The following HHAT variants were observed in gnomAD, a reference collection of about 807,000 sequenced individuals.
The protein encoded by HHAT is hedgehog acyltransferase, also known as protein-cysteine N-palmitoyltransferase HHAT.
In HHAT, 47 loss-of-function variants were observed where a neutral mutation model predicts 70.8. That is an observed-to-expected ratio of 0.66 (90% CI 0.53 to 0.85). The LOEUF is 0.85. Among genes scored for constraint, HHAT ranks in the 40% least tolerant of loss-of-function variants. The pLI, the probability that HHAT is intolerant of heterozygous loss-of-function variation, is 0.00. For synonymous variants in HHAT, 228 were observed against 247.6 expected (o/e 0.92, Z 0.74); for missense variants, 609 against 604.8 (o/e 1.01, Z -0.07).
chr1:210,425,683 C>T (rs2093042269), intron 7 of HHAT, among the ~76,000 whole-genome samples: 1 of 151,924 alleles, frequency 6.6e-6, no homozygotes, highest in African/African-American at 2.4e-5. Flanking sequence ...GTTCTCTATT[C>T]TGTTTTGTCA....
At chr1:210,380,488 C>T (rs566290594) in intron 3 of HHAT, among the ~76,000 whole-genome samples, 31 of 151,956 alleles carry the variant, frequency 2.0e-4, no homozygotes, top group African/African-American at 6.3e-4. Flanking sequence ...TGCAGTGAGC[C>T]GAGATCATGC....
chr1:210,523,472 C>A (rs538036698), intron 9 of HHAT, among the ~76,000 whole-genome samples: 104 of 152,304 alleles, frequency 6.8e-4, no homozygotes, highest in Middle Eastern at 3.4e-3. Flanking sequence ...TGCTTTAGAT[C>A]CCCAAGCTCT....
At chr1:210,374,172 G>A (rs930039701) in intron 3 of HHAT, 5 of 152,260 alleles carry the variant, frequency 3.3e-5, no homozygotes, top group African/African-American at 7.2e-5. Context: ...CCAGGGCAAG[G>A]CTTACAAAAA....
At chr1:210,627,417 C>T (rs1670026236) in intron 11 of HHAT, among the ~76,000 whole-genome samples, 1 of 152,034 alleles carries the variant, frequency 6.6e-6, no homozygotes, top group South Asian at 2.1e-4. Flanking sequence ...TGAATTTAGC[C>T]ATAGATTTGC....
At chr1:210,637,145 G>T (rs1672016841) in intron 11 of HHAT, among the ~76,000 whole-genome samples, 1 of 152,070 alleles carries the variant, frequency 6.6e-6, no homozygotes, top group Non-Finnish European at 1.5e-5. Context: ...ATTGGTACTG[G>T]TATTATATTA....
intron 9 of HHAT, 142 bp from the exon 10 acceptor site, chr1:210,587,756 A>C (rs914223553): frequency 2.2e-5 from 15 of 670,578 alleles, no homozygotes; most frequent in Non-Finnish European, 3.6e-5. Context: ...GGGATGGAGA[A>C]TCCAAGGAAT....
intron 3 of HHAT, among the ~76,000 whole-genome samples, chr1:210,370,610 ATTTTTTTTTTT>A (rs10664778): frequency 2.0e-5 from 2 of 98,356 alleles, no homozygotes; most frequent in Non-Finnish European, 3.8e-5. Flanking sequence ...TGCAGATGCT[ATTTTTTTTTTT>A]TTTTTTTTTT....
intron 3 of HHAT, among the ~76,000 whole-genome samples, chr1:210,370,655 C>G (rs1488575084): frequency 7.6e-6 from 1 of 132,376 alleles, no homozygotes; most frequent in Non-Finnish European, 1.5e-5. Flanking sequence ...CACTCTGTCA[C>G]CCAGGCTGGA....
Position 210,639,715 on chromosome 1 carries a change from A to G in HHAT, c.1390+16045A>G, listed in dbSNP as rs1024053975. Among the ~76,000 whole-genome samples, 6 of 152,298 alleles carry G rather than the reference A, an allele frequency of 3.9e-5. No homozygotes were observed. The East Asian group carries it at 1.2e-3, about 29-fold the overall frequency. ...CCCATTATTAACACAATGTTGAGTG[A>G]TTTCAAGGTTGACCTGGTTCAAAAC... On this transcript the variant is annotated intron_variant, in intron 11 of 11. Coordinates refer to ENST00000261458, the MANE Select transcript of HHAT (RefSeq NM_018194.6).
chr1:210,553,865 C>T (rs920499619), intron 9 of HHAT, among the ~76,000 whole-genome samples: 1 of 152,198 alleles, frequency 6.6e-6, no homozygotes, highest in African/African-American at 2.4e-5. Context: ...CGAGTGTATC[C>T]ACTTCATTAC....
intron 11 of HHAT, among the ~76,000 whole-genome samples, chr1:210,625,338 G>A (rs1669637183): frequency 6.6e-6 from 1 of 152,158 alleles, no homozygotes; most frequent in African/African-American, 2.4e-5. Context: ...GGGGGAAAGT[G>A]CGGACTTGGT....
intron 9 of HHAT, among the ~76,000 whole-genome samples, chr1:210,582,156 G>A (rs1659407533): frequency 6.6e-6 from 1 of 152,212 alleles, no homozygotes; most frequent in Non-Finnish European, 1.5e-5. Context: ...TGGAAAATCA[G>A]GGAGGATGGA....
intron 10 of HHAT, among the ~76,000 whole-genome samples, chr1:210,612,525 T>G (rs2148846783): frequency 6.6e-6 from 1 of 152,176 alleles, no homozygotes; most frequent in East Asian, 1.9e-4. Flanking sequence ...TATGTATATA[T>G]TACTCTGTTT....
chr1:210,609,208 G>A (rs1303230712), intron 10 of HHAT, among the ~76,000 whole-genome samples: 4 of 151,938 alleles, frequency 2.6e-5, no homozygotes, highest in African/African-American at 9.7e-5. Flanking sequence ...CAAAATTTAG[G>A]TAATTTATAT....
intron 7 of HHAT, among the ~76,000 whole-genome samples, chr1:210,457,404 G>C (rs1259942965): frequency 1.3e-5 from 2 of 152,164 alleles, no homozygotes; most frequent in African/African-American, 2.4e-5. Flanking sequence ...GCAAAATCTA[G>C]AGTAGGTTTG....
At chr1:210,364,183 T>C (rs925278336) in intron 3 of HHAT, among the ~76,000 whole-genome samples, 1 of 152,190 alleles carries the variant, frequency 6.6e-6, no homozygotes, top group Non-Finnish European at 1.5e-5. Flanking sequence ...TAGATGTAAA[T>C]TGAATTTTCA....
intron 10 of HHAT, among the ~76,000 whole-genome samples, chr1:210,592,332 G>T (rs1661915095): frequency 6.6e-6 from 1 of 151,934 alleles, no homozygotes; most frequent in South Asian, 2.1e-4. Flanking sequence ...TGTTGAAAAT[G>T]AGTTCACTGT....
At chr1:210,358,184 G>A (rs909373494) in intron 2 of HHAT, among the ~76,000 whole-genome samples, 2 of 152,156 alleles carry the variant, frequency 1.3e-5, no homozygotes, top group Admixed American at 6.5e-5. Flanking sequence ...CCCTGAACAT[G>A]CACAGAGCTT....
intron 11 of HHAT, among the ~76,000 whole-genome samples, chr1:210,653,213 A>T (rs1675559013): frequency 6.6e-6 from 1 of 152,208 alleles, no homozygotes; most frequent in Admixed American, 6.5e-5. Flanking sequence ...TGTGTGTAGT[A>T]CTTAGGTTCA....
Sources: allele counts gnomAD v4.1 joint callset (sites outside exome capture counted in the v4.1 genomes callset), GRCh38; gene constraint gnomAD v4.1.1; transcripts MANE v1.5; gene names NCBI Gene and HGNC (gene_info 2026-07-23, HGNC 2026-07-21).